Variants in PREP observed in about 807,000 individuals in gnomAD.
PREP encodes the protein dJ355L5.1 (prolyl endopeptidase).
In PREP, 29 loss-of-function variants were observed where a neutral mutation model predicts 87.6. That is an observed-to-expected ratio of 0.33 (90% CI 0.25 to 0.45). PREP has a LOEUF of 0.45. Among genes scored for constraint, PREP ranks in the 20% least tolerant of loss-of-function variants. PREP has a pLI of 1.00. For missense variants in PREP, 695 were observed against 886.5 expected (o/e 0.78, Z 2.74); for synonymous variants, 337 against 328.6 (o/e 1.03, Z -0.28).
chr6:105,402,798 C>T (rs1419305502), intron 1 of PREP, 49 bp downstream of exon 1: 18 of 1,495,552 alleles, frequency 1.2e-5, no homozygotes, highest in South Asian at 2.5e-5. Flanking sequence ...GTCAGGCAGG[C>T]TGGGCACCTT....
chr6:105,323,726 G>C lies in PREP; in HGVS notation c.1256C>G (p.Pro419Arg). The change falls in exon 10 of 15, where the codon CCA becomes CGA. Residue 419 changes from proline to arginine, a missense_variant. By Grantham distance (103) the Pro-to-Arg change is moderately radical. Coordinates refer to ENST00000652536, the MANE Select transcript of PREP (RefSeq NM_002726.5). ...TACGGTCACCTCTCGGAAAACTCTT[G>C]GCTCCAGCTCCTCTTTGGTAAGATC... Reference protein sequence around the residue: ...HCDLTKEELEPRVFREVTVKG... With the variant: ...HCDLTKEELERRVFREVTVKG... 1 of 1,613,756 alleles carries C rather than the reference G, an allele frequency of 6.2e-7. No homozygotes were observed. Among genetic ancestry groups the C allele is most frequent in the Admixed American group, 1.7e-5 (1 of 60,012 alleles).
chr6:105,367,843 T>A (rs1223987015), intron 6 of PREP, among the ~76,000 whole-genome samples: 1 of 152,204 alleles, frequency 6.6e-6, no homozygotes, highest in Admixed American at 6.5e-5. Context: ...TACTCAACTC[T>A]GCAGTTCTAA....
chr6:105,390,337 G>A (rs1220013109), intron 2 of PREP, among the ~76,000 whole-genome samples: 1 of 152,166 alleles, frequency 6.6e-6, no homozygotes, highest in Non-Finnish European at 1.5e-5. Flanking sequence ...TTTTTCAGAA[G>A]GAACGAATAT....
chr6:105,292,202 TAGA>T (rs1462618793), intron 10 of PREP, among the ~76,000 whole-genome samples: 2 of 152,212 alleles, frequency 1.3e-5, no homozygotes, highest in Admixed American at 1.3e-4. Flanking sequence ...GAATCCTTTC[TAGA>T]AGGTTTTCAA....
At chr6:105,295,486 A>ATCTTCCT (rs1184879211) in intron 10 of PREP, among the ~76,000 whole-genome samples, 7 of 151,862 alleles carry the variant, frequency 4.6e-5, no homozygotes, top group Non-Finnish European at 8.8e-5. Flanking sequence ...CTACATCTCC[A>ATCTTCCT]TCTTCCTAAT....
At chr6:105,330,284 A>C (rs1771291309) in intron 8 of PREP, among the ~76,000 whole-genome samples, 1 of 152,214 alleles carries the variant, frequency 6.6e-6, no homozygotes, top group Admixed American at 6.5e-5. Context: ...GGAGGGGAGA[A>C]GAGTAAGAGC....
At chr6:105,371,500 C>CAAAAAAAAAAAAAAA (rs528772896) in intron 5 of PREP, among the ~76,000 whole-genome samples, 1 of 44,798 alleles carries the variant, frequency 2.2e-5, no homozygotes, top group African/African-American at 6.2e-5. Context: ...GATTCCATCT[C>CAAAAAAAAAAAAAAA]AAAAAAAAAA....
At chr6:105,380,002 G>A (rs968034666) in intron 2 of PREP, among the ~76,000 whole-genome samples, 1 of 152,334 alleles carries the variant, frequency 6.6e-6, no homozygotes, top group South Asian at 2.1e-4. Context: ...GAAAACAAGA[G>A]TGAGTGCTGA....
rs968572752 is a variant in PREP, at chr6:105,288,180, T to C, written c.1454+578A>G. ...AAGACCTTGATTAATACAAATCTTC[T>C]GTAGTCACGCAGCCATAGCCTCCCA... On this transcript the variant is annotated intron_variant, in intron 11 of 14. Transcript: ENST00000652536. 4.6e-5 allele frequency among the ~76,000 whole-genome samples: 7 copies of C among 152,336 alleles called. No individual in the cohort carries two copies. The East Asian group carries it at 1.4e-3, about 29-fold the overall frequency.
At chr6:105,367,741 C>T (rs1221114078) in intron 6 of PREP, among the ~76,000 whole-genome samples, 2 of 151,174 alleles carry the variant, frequency 1.3e-5, no homozygotes, top group South Asian at 2.1e-4. Flanking sequence ...TTATTTTTAA[C>T]ACATTCTACT....
intron 11 of PREP, among the ~76,000 whole-genome samples, chr6:105,286,607 T>C (rs970620584): frequency 1.1e-4 from 17 of 152,172 alleles, no homozygotes; most frequent in African/African-American, 4.1e-4. Context: ...GTGTCACTCT[T>C]TTAGCAACTG....
In PREP at chr6:105,288,744, C is replaced by G. The variant is rs779582532; in HGVS notation, c.1454+14G>C. 1 of 1,612,696 alleles carries G rather than the reference C, an allele frequency of 6.2e-7. No homozygotes were observed. Among genetic ancestry groups the G allele is most frequent in the South Asian group, 1.1e-5 (1 of 90,976 alleles). ...AGATAAAATACTGGCACTCTGAGTG[C>G]GTTCCGAGCTCACCTGTAGTTGGGT... On this transcript the variant is annotated intron_variant, in intron 11 of 14. Transcript: ENST00000652536.
chr6:105,284,641 A>G (rs920307219), intron 12 of PREP, among the ~76,000 whole-genome samples: 2 of 152,162 alleles, frequency 1.3e-5, no homozygotes, highest in Non-Finnish European at 2.9e-5. Flanking sequence ...GATGGAGGTG[A>G]AGGTGCTTTC....
chr6:105,283,072 T>G (rs1770117033), intron 12 of PREP, among the ~76,000 whole-genome samples: 1 of 152,208 alleles, frequency 6.6e-6, no homozygotes, highest in African/African-American at 2.4e-5. Context: ...AGAGGCACGC[T>G]TCCCACCCCA....
rs17065855 is a variant in PREP at position 105,360,553 on chromosome 6, T to C, written c.718-7476A>G. ...CCATTAACAATTCTACTGTGTATAC[T>C]GTGGTTCTAGGCTACACTAAGGAAG... On this transcript the variant is annotated intron_variant, in intron 6 of 14. Transcript: ENST00000652536. 7.5e-3 allele frequency among the ~76,000 whole-genome samples: 1,148 copies of C among 152,344 alleles called. 18 individuals carry two copies. Among genetic ancestry groups the C allele is most frequent in the Admixed American group, 0.038 (584 of 15,304 alleles).
At chr6:105,353,988 T>C (rs1029663799) in intron 6 of PREP, among the ~76,000 whole-genome samples, 3 of 152,134 alleles carry the variant, frequency 2.0e-5, no homozygotes, top group African/African-American at 7.2e-5. Flanking sequence ...AGAATCCTAA[T>C]AAAAAAATCT....
At chr6:105,286,594 A>C (rs1340310436) in intron 11 of PREP, among the ~76,000 whole-genome samples, 1 of 152,142 alleles carries the variant, frequency 6.6e-6, no homozygotes, top group Non-Finnish European at 1.5e-5. Context: ...ATTTCTGAGA[A>C]CTGTGTCACT....
In PREP at chr6:105,330,591, C is replaced by T. The variant is rs575836268; in HGVS notation, c.1016-1565G>A. Reference sequence around the variant, plus strand: ...CCAGGTCACCCAGAGGGAGAGACACCGCAGCAAGTGGAAGTGAGGACAGGG... The same window carrying T: ...CCAGGTCACCCAGAGGGAGAGACACTGCAGCAAGTGGAAGTGAGGACAGGG... On this transcript the variant is annotated intron_variant, in intron 8 of 14. Transcript: ENST00000652536. Among the ~76,000 whole-genome samples, 9 of 152,056 alleles carry T rather than the reference C, an allele frequency of 5.9e-5. No individual in the cohort carries two copies. In the East Asian group the frequency reaches 1.4e-3, roughly 23 times the overall value.
At chr6:105,294,571 G>A (rs1770368436) in intron 10 of PREP, among the ~76,000 whole-genome samples, 1 of 152,152 alleles carries the variant, frequency 6.6e-6, no homozygotes, top group African/African-American at 2.4e-5. Context: ...AATGTTTGCT[G>A]TGTGTCTATT....
Sources: allele counts gnomAD v4.1 joint callset (sites outside exome capture counted in the v4.1 genomes callset), GRCh38; gene constraint gnomAD v4.1.1; transcripts MANE v1.5; gene names NCBI Gene and HGNC (gene_info 2026-07-23, HGNC 2026-07-21).